FAF1: variants seen among roughly 807,000 people sequenced by gnomAD.
The protein encoded by FAF1 is FAS-associated factor 1.
In FAF1, 25 loss-of-function variants were observed where a neutral mutation model predicts 92.5. That is an observed-to-expected ratio of 0.27 (90% CI 0.20 to 0.38). The LOEUF (loss-of-function observed/expected upper bound fraction) is 0.38, where lower values mean the gene tolerates loss of function less well. Ranked by LOEUF, FAF1 falls within the 10% of genes least tolerant of loss-of-function variation. The pLI, the probability that FAF1 is intolerant of heterozygous loss-of-function variation, is 1.00. For missense variants in FAF1, 636 were observed against 793.3 expected (o/e 0.80, Z 2.38); for synonymous variants, 234 against 273.2 (o/e 0.86, Z 1.42).
rs189879225 is a variant in FAF1 at position 50,769,414 on chromosome 1, G to A, written c.367+18586C>T. 4.2e-3 allele frequency among the ~76,000 whole-genome samples: 635 copies of A among 152,232 alleles called. 2 individuals are homozygous for A. The highest frequency in any genetic ancestry group is 6.8e-3 in the Middle Eastern group (2 of 294). ...TACTAAAACCATTCCAAATGCTTGA[G>A]GAAGAGAGACTCCTCCCTAACTCAT... On this transcript the variant is annotated intron_variant, in intron 4 of 18. Coordinates refer to ENST00000396153, the MANE Select transcript of FAF1 (RefSeq NM_007051.3).
At chr1:50,730,570 T>C (rs961255808) in intron 6 of FAF1, among the ~76,000 whole-genome samples, 3 of 152,246 alleles carry the variant, frequency 2.0e-5, no homozygotes, top group Non-Finnish European at 4.4e-5. Flanking sequence ...TCTATCTTTC[T>C]TATTGTAGTG....
intron 18 of FAF1, among the ~76,000 whole-genome samples, chr1:50,445,469 G>A (rs1379995167): frequency 6.6e-6 from 1 of 152,200 alleles, no homozygotes; most frequent in Non-Finnish European, 1.5e-5. Context: ...ATTGCTGAGA[G>A]TAGTTTCTAT....
chr1:50,953,179 A>G (rs923615972), intron 1 of FAF1, among the ~76,000 whole-genome samples: 73 of 152,256 alleles, frequency 4.8e-4, no homozygotes, highest in South Asian at 6.2e-4. Context: ...TTTGTTAAAC[A>G]GATGCTTGAA....
intron 1 of FAF1, among the ~76,000 whole-genome samples, chr1:50,902,129 G>C (rs1326560684): frequency 6.6e-6 from 1 of 152,306 alleles, no homozygotes; most frequent in East Asian, 1.9e-4. Flanking sequence ...ATGTCAGATA[G>C]AGGTGATCAG....
chr1:50,938,435 C>A (rs1213538258), intron 1 of FAF1, among the ~76,000 whole-genome samples: 2 of 152,156 alleles, frequency 1.3e-5, no homozygotes, highest in Non-Finnish European at 2.9e-5. Context: ...TCAGGGTACC[C>A]CCAGGATCCA....
chr1:50,441,594 A>G, intron 18 of FAF1, 71 bp from the exon 19 acceptor site: 1 of 793,276 alleles, frequency 1.3e-6, no homozygotes, highest in Non-Finnish European at 2.0e-6. Context: ...CCTTCATTTT[A>G]TCTATGCACA....
chr1:50,592,676 G>A lies in FAF1; in HGVS notation c.840+3445C>T, dbSNP rs371363016. 1.8e-4 allele frequency among the ~76,000 whole-genome samples: 28 copies of A among 152,184 alleles called. No homozygotes were observed. In the South Asian group the frequency reaches 4.4e-3, roughly 24 times the overall value. On this transcript the variant is annotated intron_variant, in intron 9 of 18. Transcript: ENST00000396153. ...AAAATGATTATTGTTGGCTGGGCAC[G>A]GTGACTCACACCTGTAACCCCAACA...
intron 7 of FAF1, among the ~76,000 whole-genome samples, chr1:50,672,979 C>A (rs936810172): frequency 6.6e-6 from 1 of 151,834 alleles, no homozygotes; most frequent in Admixed American, 6.6e-5. Flanking sequence ...TTAGAATGGC[C>A]GTGCACAGTG....
chr1:50,733,608 C>T (rs1339757943), intron 6 of FAF1, among the ~76,000 whole-genome samples: 1 of 152,046 alleles, frequency 6.6e-6, no homozygotes. Flanking sequence ...AACCAGAGTT[C>T]TCTCTCTCTC....
intron 1 of FAF1, among the ~76,000 whole-genome samples, chr1:50,862,227 T>A (rs1302227888): frequency 6.6e-6 from 1 of 151,760 alleles, no homozygotes; most frequent in African/African-American, 2.4e-5. Flanking sequence ...TGTGGCCCAT[T>A]CAAGAGAGAA....
At chr1:50,716,730 C>T (rs1483400467) in intron 6 of FAF1, among the ~76,000 whole-genome samples, 2 of 152,190 alleles carry the variant, frequency 1.3e-5, no homozygotes, top group South Asian at 2.1e-4. Context: ...CCAATCAGTG[C>T]TGTGTGCGTA....
At chr1:50,868,037 A>G (rs1263007807) in intron 1 of FAF1, among the ~76,000 whole-genome samples, 1 of 152,198 alleles carries the variant, frequency 6.6e-6, no homozygotes, top group Non-Finnish European at 1.5e-5. Flanking sequence ...GCAACCTAGA[A>G]GGAGTTGAAG....
intron 18 of FAF1, among the ~76,000 whole-genome samples, chr1:50,453,908 G>A (rs560782405): frequency 6.6e-6 from 1 of 152,280 alleles, no homozygotes; most frequent in African/African-American, 2.4e-5. Context: ...ATCATTTGGG[G>A]AACTGCAAAC....
intron 13 of FAF1, among the ~76,000 whole-genome samples, chr1:50,566,071 A>C (rs1225232183): frequency 1.3e-5 from 2 of 152,210 alleles, no homozygotes; most frequent in Non-Finnish European, 2.9e-5. Flanking sequence ...GGCAAAACGA[A>C]GTCATCTCAT....
chr1:50,782,758 T>C (rs1005402351), intron 4 of FAF1, among the ~76,000 whole-genome samples: 1 of 152,076 alleles, frequency 6.6e-6, no homozygotes, highest in Non-Finnish European at 1.5e-5. Flanking sequence ...ATTAAAGAAA[T>C]ATATTTTTTA....
chr1:50,753,150 C>T (rs1273879883), intron 4 of FAF1, among the ~76,000 whole-genome samples: 1 of 152,176 alleles, frequency 6.6e-6, no homozygotes, highest in African/African-American at 2.4e-5. Flanking sequence ...CAATGGTTTC[C>T]ATGTGCCCCT....
At chr1:50,736,591 A>C (rs1480891316) in intron 6 of FAF1, among the ~76,000 whole-genome samples, 1 of 152,120 alleles carries the variant, frequency 6.6e-6, no homozygotes, top group Non-Finnish European at 1.5e-5. Context: ...CTCTACTAAA[A>C]ATACCAAAAA....
chr1:50,819,802 CATAT>C (rs760445644), intron 2 of FAF1, among the ~76,000 whole-genome samples: 5 of 86,200 alleles, frequency 5.8e-5, no homozygotes, highest in South Asian at 4.3e-4. Flanking sequence ...TATATATATA[CATAT>C]ATATATATAT....
intron 8 of FAF1, among the ~76,000 whole-genome samples, chr1:50,626,605 G>T (rs539620885): frequency 6.6e-6 from 1 of 152,154 alleles, no homozygotes; most frequent in East Asian, 1.9e-4. Context: ...CTTTGCAGAA[G>T]TAAGCAAGAA....
Sources: allele counts gnomAD v4.1 joint callset (sites outside exome capture counted in the v4.1 genomes callset), GRCh38; gene constraint gnomAD v4.1.1; transcripts MANE v1.5; gene names NCBI Gene and HGNC (gene_info 2026-07-23, HGNC 2026-07-21).